VPS41: variants seen among roughly 807,000 people sequenced by gnomAD.
The protein encoded by VPS41 is vacuolar protein sorting-associated protein 41 homolog.
VPS41 carries 85 observed loss-of-function variants against 130.9 expected under a neutral mutation model. That is an observed-to-expected ratio of 0.65 (90% CI 0.55 to 0.78). The LOEUF (loss-of-function observed/expected upper bound fraction) is 0.78. VPS41 is among the 30% of genes least tolerant of loss of function. The probability of loss-of-function intolerance (pLI) is 0.00; values close to 1 mark genes in which losing one functional copy is unlikely to be tolerated. For synonymous variants in VPS41, 335 were observed against 332.9 expected, an observed-to-expected ratio of 1.01 and a Z score of -0.07; for missense variants, 874 against 1,018.7, an observed-to-expected ratio of 0.86 and a Z score of 1.93.
intron 7 of VPS41, among the ~76,000 whole-genome samples, chr7:38,817,437 G>GA (rs2116099860): frequency 6.6e-6 from 1 of 152,174 alleles, no homozygotes; most frequent in African/African-American, 2.4e-5. Context: ...TAGAGACATG[G>GA]CAAAACCCCA....
chr7:38,842,132 A>G (rs1785620805), intron 4 of VPS41, among the ~76,000 whole-genome samples: 1 of 152,212 alleles, frequency 6.6e-6, no homozygotes, highest in Non-Finnish European at 1.5e-5. Context: ...TCTAAGCCAG[A>G]GTACTAAGAG....
chr7:38,898,018 T>C, intron 2 of VPS41, 73 bp downstream of exon 2: 3 of 1,429,848 alleles, frequency 2.1e-6, no homozygotes, highest in Non-Finnish European at 3.0e-6. Context: ...ATGTTGCATT[T>C]AGCAAAGAAG....
intron 25 of VPS41, among the ~76,000 whole-genome samples, chr7:38,729,051 T>C (rs994247202): frequency 2.0e-5 from 3 of 152,178 alleles, no homozygotes; most frequent in African/African-American, 4.8e-5. Flanking sequence ...ATTTGTATAA[T>C]CAAACATAAA....
intron 21 of VPS41, 21 bp from the exon 22 acceptor site, chr7:38,752,334 G>A (rs777343611): frequency 6.2e-7 from 1 of 1,612,580 alleles, no homozygotes; most frequent in African/African-American, 1.3e-5. Context: ...CAAAAGATAA[G>A]CCGTGACCCA....
chr7:38,851,180 CCTT>C (rs1375291587), intron 4 of VPS41, among the ~76,000 whole-genome samples: 1 of 152,198 alleles, frequency 6.6e-6, no homozygotes, highest in African/African-American at 2.4e-5. Flanking sequence ...GTAAGAAACT[CCTT>C]CTATATAATT....
At chr7:38,809,452 T>C (rs964220114) in intron 7 of VPS41, among the ~76,000 whole-genome samples, 1 of 150,894 alleles carries the variant, frequency 6.6e-6, no homozygotes, top group Non-Finnish European at 1.5e-5. Context: ...GAAATAAAAT[T>C]TAAAAACAAT....
intron 4 of VPS41, among the ~76,000 whole-genome samples, chr7:38,847,872 A>G (rs1019992557): frequency 5.3e-5 from 8 of 152,238 alleles, no homozygotes; most frequent in Non-Finnish European, 1.2e-4. Flanking sequence ...CATTTGAGAG[A>G]GTAAAGCCCT....
rs1362493877 is a variant in VPS41 at position 38,743,436 on chromosome 7, C to T, written c.2088G>A (p.Trp696Ter). The change falls in exon 24 of 29, where the codon TGG becomes TGA. Residue 696 changes from tryptophan to a stop codon, truncating the protein, a stop_gained. Transcript: ENST00000310301. LOFTEE classifies it high-confidence loss of function. ...CAATGGAATATAAAATCAAATCTTC[C>T]CACAGCTCTCCATCATCTTGCTCCT... ...FAKEQDDGEL[W>*]EDLILYSIDK... The T allele has an allele frequency of 6.2e-7, 1 of 1,613,894 alleles. No individual in the cohort carries two copies. The highest frequency in any genetic ancestry group is 1.7e-5 in the Admixed American group (1 of 59,988).
At chr7:38,850,243 C>T (rs1785822720) in intron 4 of VPS41, among the ~76,000 whole-genome samples, 1 of 152,142 alleles carries the variant, frequency 6.6e-6, no homozygotes, top group Non-Finnish European at 1.5e-5. Context: ...AAAATGGTAC[C>T]ATATTGTCTT....
chr7:38,813,319 T>C (rs972790051), intron 7 of VPS41, among the ~76,000 whole-genome samples: 8 of 151,980 alleles, frequency 5.3e-5, no homozygotes, highest in Non-Finnish European at 7.4e-5. Context: ...GGAAAACTTA[T>C]AGAGAAAGAA....
rs1784783074 is a variant in VPS41 at position 38,803,811 on chromosome 7, T to C, written c.451-6947A>G. Among the ~76,000 whole-genome samples the C allele has an allele frequency of 2.6e-5, 4 of 152,176 alleles. No individual in the cohort carries two copies. In the South Asian group the frequency reaches 6.2e-4, roughly 24 times the overall value. The stretch of plus-strand genomic sequence containing the variant: ...GCAGGAATGAATGACCAGGAACCCA[T>C]ATGGAGCAGGTAAGTGTCTTTGTTT... On this transcript the variant is annotated intron_variant, in intron 7 of 28. Coordinates refer to ENST00000310301, the MANE Select transcript of VPS41 (RefSeq NM_014396.4).
chr7:38,756,178 A>G (rs1245669392), intron 19 of VPS41, among the ~76,000 whole-genome samples: 1 of 150,996 alleles, frequency 6.6e-6, no homozygotes, highest in Non-Finnish European at 1.5e-5. Context: ...AAACCTCATT[A>G]TTTCTGTCAT....
intron 2 of VPS41, among the ~76,000 whole-genome samples, chr7:38,877,703 T>A (rs1786520895): frequency 6.6e-6 from 1 of 151,856 alleles, no homozygotes; most frequent in Non-Finnish European, 1.5e-5. Context: ...CCAAGAAAAA[T>A]TAGATAAAGA....
At chr7:38,840,971 C>T (rs956987411) in intron 4 of VPS41, among the ~76,000 whole-genome samples, 3 of 152,176 alleles carry the variant, frequency 2.0e-5, no homozygotes, top group African/African-American at 7.2e-5. Context: ...AGCTCTCCTG[C>T]CCCAGAACAG....
chr7:38,794,131 A>T (rs540486056), intron 9 of VPS41, among the ~76,000 whole-genome samples: 35 of 152,314 alleles, frequency 2.3e-4, no homozygotes, highest in African/African-American at 8.2e-4. Context: ...TAAGAAAAGA[A>T]AATCAGAACT....
chr7:38,873,114 A>G (rs1231510180), intron 2 of VPS41, among the ~76,000 whole-genome samples: 1 of 152,248 alleles, frequency 6.6e-6, no homozygotes, highest in Non-Finnish European at 1.5e-5. Context: ...ACATAAATAT[A>G]CAAAAATAAA....
At chr7:38,831,500 T>C (rs982478958) in intron 4 of VPS41, among the ~76,000 whole-genome samples, 1 of 152,230 alleles carries the variant, frequency 6.6e-6, no homozygotes, top group Non-Finnish European at 1.5e-5. Flanking sequence ...AAAACTGAGA[T>C]CCAATAATGA....
intron 4 of VPS41, among the ~76,000 whole-genome samples, chr7:38,835,575 T>C (rs966967709): frequency 6.6e-6 from 1 of 152,004 alleles, no homozygotes; most frequent in African/African-American, 2.4e-5. Context: ...TTGTATAATA[T>C]CTATTTTTAG....
At position 38,909,158 on chromosome 7, in the gene VPS41, T is replaced by A. The variant is rs150053888; in HGVS notation, c.17A>T (p.Glu6Val). The A allele has an allele frequency of 1.3e-5, 21 of 1,614,124 alleles. No homozygotes were observed. The African/African-American group carries it at 2.5e-4, about 19-fold the overall frequency. MAEAEEQETGSLEEST... is the reference protein window; with the variant it reads MAEAEVQETGSLEEST... Reference sequence around the variant, plus strand: ...ACTACCACCTGCACCCTTTACCTGCTCCTCTGCTTCCGCCATGGCGCCACG... The same window carrying A: ...ACTACCACCTGCACCCTTTACCTGCACCTCTGCTTCCGCCATGGCGCCACG... The change falls in exon 1 of 29, where the codon GAG becomes GTG. Residue 6 changes from glutamate to valine, a missense_variant. Coordinates refer to ENST00000310301, the MANE Select transcript of VPS41 (RefSeq NM_014396.4).
Sources: allele counts gnomAD v4.1 joint callset (sites outside exome capture counted in the v4.1 genomes callset), GRCh38; gene constraint gnomAD v4.1.1; transcripts MANE v1.5; gene names NCBI Gene and HGNC (gene_info 2026-07-23, HGNC 2026-07-21).